Variants in SLC28A2 observed in about 807,000 individuals in gnomAD.
SLC28A2 encodes the protein sodium/nucleoside cotransporter 2.
Under a neutral mutation model 72.9 loss-of-function variants are expected in SLC28A2, and 69 were observed. The observed-to-expected ratio is 0.95, with a 90% CI of 0.78 to 1.16. SLC28A2 has a LOEUF of 1.16. SLC28A2 is among the 50% of genes most tolerant of loss of function. SLC28A2 has a pLI of 0.00. For missense variants in SLC28A2, 745 were observed against 791.1 expected (o/e 0.94, Z 0.70); for synonymous variants, 296 against 294.1 (o/e 1.01, Z -0.07).
intron 4 of SLC28A2, among the ~76,000 whole-genome samples, chr15:45,262,442 AC>A (rs2140566734): frequency 6.6e-6 from 1 of 152,234 alleles, no homozygotes; most frequent in Admixed American, 6.5e-5. Context: ...ATTATACCTT[AC>A]TTATTTGCTG....
Position 45,276,956 on chromosome 15 carries a change from C to A in SLC28A2, c.*1443C>A, listed in dbSNP as rs1258356908. The A allele has an allele frequency of 6.9e-6, 1 of 144,804 alleles. No homozygotes were observed. Among genetic ancestry groups the A allele is most frequent in the Admixed American group, 6.9e-5 (1 of 14,570 alleles). 9.0% of individuals were successfully genotyped at this position (144,804 alleles called of 1,614,324 possible). On this transcript the variant is annotated 3_prime_UTR_variant, in exon 18 of 18. Coordinates refer to ENST00000347644, the MANE Select transcript of SLC28A2 (RefSeq NM_004212.4). ...CATTTGCTCCAAGTTTATGGGGAAG[C>A]CTTTAAAACAGTAATTTTCAGTGGG...
chr15:45,266,207 A>G, intron 10 of SLC28A2, 46 bp downstream of exon 10: 2 of 1,331,638 alleles, frequency 1.5e-6, no homozygotes, highest in Non-Finnish European at 2.2e-6. Flanking sequence ...TGAGGAACTG[A>G]GAATTTGGCA....
At chr15:45,253,342 A>G (rs764117737) in intron 2 of SLC28A2, 46 bp downstream of exon 2, 115 of 1,554,654 alleles carry the variant, frequency 7.4e-5, no homozygotes, top group Non-Finnish European at 1.0e-4. Context: ...GGGCTGCTGC[A>G]TGGGCTCCTG....
rs1258418312 is a variant in SLC28A2 at position 45,262,037 on chromosome 15, A to G, written c.193A>G (p.Lys65Glu). Residue 65 changes from lysine to glutamate, a missense_variant, in exon 4 of 18, where the codon AAA (lysine) becomes GAA (glutamate). Physicochemically the swap from Lys to Glu is moderately conservative, Grantham distance 56. Coordinates refer to ENST00000347644, the MANE Select transcript of SLC28A2 (RefSeq NM_004212.4). The part of the protein sequence containing the change: ...YQRRSRWPFS[K>E]ARSFCKTHAS... ...TAGGAGGAGTCGGTGGCCTTTCAGCAAAGCAAGAAGTTTCTGCAAAACACA... is the reference window on the plus strand; with the variant it reads ...TAGGAGGAGTCGGTGGCCTTTCAGCGAAGCAAGAAGTTTCTGCAAAACACA... The G allele has an allele frequency of 6.2e-7, 1 of 1,613,458 alleles. No individual in the cohort carries two copies. Among genetic ancestry groups the G allele is most frequent in the Admixed American group, 1.7e-5 (1 of 59,990 alleles).
In SLC28A2 at chr15:45,264,074, G is replaced by C. The variant is rs564449155; in HGVS notation, c.588+52G>C. The C allele has an allele frequency of 1.0e-5, 16 of 1,540,336 alleles. No individual in the cohort carries two copies. The African/African-American group carries it at 2.1e-4, about 20-fold the overall frequency. ...ATAGCAACACATGGCCAAGGGCCAAGTGCTAATCATAAAGCGTATGCATCA... is the reference window on the plus strand; with the variant it reads ...ATAGCAACACATGGCCAAGGGCCAACTGCTAATCATAAAGCGTATGCATCA... On this transcript the variant is annotated intron_variant, in intron 6 of 17. Transcript: ENST00000347644.
At chr15:45,264,094 G>A (rs1900249118) in intron 6 of SLC28A2, 72 bp downstream of exon 6, 2 of 1,390,098 alleles carry the variant, frequency 1.4e-6, no homozygotes, top group Non-Finnish European at 1.9e-6. Flanking sequence ...TAAAGCGTAT[G>A]CATCAAGTGT....
At chr15:45,257,519 TAA>T (rs1362804435) in intron 3 of SLC28A2, among the ~76,000 whole-genome samples, 3 of 152,246 alleles carry the variant, frequency 2.0e-5, no homozygotes, top group African/African-American at 7.2e-5. Context: ...TACATGTTAA[TAA>T]GTTATGTATA....
intron 5 of SLC28A2, 151 bp from the exon 6 acceptor site, chr15:45,263,730 C>T (rs549833736): frequency 1.7e-6 from 1 of 593,008 alleles, no homozygotes; most frequent in Non-Finnish European, 2.8e-6. Context: ...ATATTCTGAA[C>T]TGGCGTCTAC....
At chr15:45,275,280 G>A (rs1900717342) in intron 17 of SLC28A2, 116 bp from the exon 18 acceptor site, 1 of 668,402 alleles carries the variant, frequency 1.5e-6, no homozygotes, top group African/African-American at 1.8e-5. Context: ...CATGGCTGAT[G>A]GGTCAATTTA....
chr15:45,253,543 T>G (rs373811187), intron 3 of SLC28A2, 23 bp downstream of exon 3: 1 of 1,560,602 alleles, frequency 6.4e-7, no homozygotes, highest in Non-Finnish European at 8.8e-7. Context: ...TGGAATCTTG[T>G]TCAGTTAGGA....
In SLC28A2 at chr15:45,263,123, G is replaced by A; in HGVS notation, c.325G>A (p.Val109Ile). 1 of 1,613,974 alleles carries A rather than the reference G, an allele frequency of 6.2e-7. No individual in the cohort carries two copies. The highest frequency in any genetic ancestry group is 1.1e-5 in the South Asian group (1 of 91,080). The part of the protein sequence containing the change: ...LNFQRALALF[V>I]ITCLVIFVLV... ...TTTCCAGAGGGCACTGGCCTTGTTT[G>A]TCATCACCTGCTTGGTGATCTTTGT... Residue 109 changes from valine (V) to isoleucine (I), a missense_variant, in exon 5 of 18, where the codon GTC becomes ATC. Coordinates refer to ENST00000347644, the MANE Select transcript of SLC28A2 (RefSeq NM_004212.4).
In SLC28A2 at chr15:45,253,505, C is replaced by A; in HGVS notation, c.155C>A (p.Pro52His). Residue 52 changes from proline (P) to histidine (H), a missense_variant, in exon 3 of 18, where the codon CCT (proline) becomes CAT (histidine). Physicochemically the swap from Pro to His is moderately conservative, Grantham distance 77 (BLOSUM62 -2). Coordinates refer to ENST00000347644, the MANE Select transcript of SLC28A2 (RefSeq NM_004212.4). Reference protein sequence around the residue: ...QGHSLGDGLGPSTYQRRSRWP... With the variant: ...QGHSLGDGLGHSTYQRRSRWP... ...CACAGCCTGGGGGATGGACTGGGCC[C>A]TTCCACTTACCAGAGGTACTGGTGT... 1 of 1,612,194 alleles carries A rather than the reference C, an allele frequency of 6.2e-7. No individual in the cohort carries two copies. The highest frequency in any genetic ancestry group is 1.7e-5 in the Admixed American group (1 of 60,000).
At chr15:45,259,488 A>G (rs1392107310) in intron 3 of SLC28A2, among the ~76,000 whole-genome samples, 1 of 152,152 alleles carries the variant, frequency 6.6e-6, no homozygotes, top group Non-Finnish European at 1.5e-5. Context: ...GTCAATTTTA[A>G]AAAGAAGTAC....
intron 8 of SLC28A2, 47 bp from the exon 9 acceptor site, chr15:45,265,536 G>A: frequency 7.7e-7 from 1 of 1,303,346 alleles, no homozygotes; most frequent in Non-Finnish European, 1.1e-6. Flanking sequence ...CTAAAACACA[G>A]AGTATGCAAT....
intron 17 of SLC28A2, 84 bp from the exon 18 acceptor site, chr15:45,275,312 A>G (rs1008307152): frequency 5.1e-5 from 40 of 783,648 alleles, no homozygotes; most frequent in Non-Finnish European, 7.7e-5. Flanking sequence ...TTTTGTTTTC[A>G]GCTGCTTAGT....
chr15:45,262,795 T>C (rs1037487448), intron 4 of SLC28A2, among the ~76,000 whole-genome samples: 2 of 152,120 alleles, frequency 1.3e-5, no homozygotes, highest in Admixed American at 1.3e-4. Context: ...TTAGATAAAA[T>C]AGAAGGGAAT....
intron 15 of SLC28A2, among the ~76,000 whole-genome samples, chr15:45,270,785 C>CATTATT (rs929931937): frequency 6.6e-6 from 1 of 151,438 alleles, no homozygotes; most frequent in Non-Finnish European, 1.5e-5. Flanking sequence ...CCACTATGCC[C>CATTATT]ATTATTATTA....
At chr15:45,275,155 A>C (rs150792004) in intron 17 of SLC28A2, among the ~76,000 whole-genome samples, 11 of 152,354 alleles carry the variant, frequency 7.2e-5, no homozygotes, top group African/African-American at 2.6e-4. Context: ...GGAAATTTCC[A>C]AATGGACTAT....
intron 3 of SLC28A2, among the ~76,000 whole-genome samples, chr15:45,254,571 A>G (rs1899914921): frequency 6.6e-6 from 1 of 152,222 alleles, no homozygotes; most frequent in Non-Finnish European, 1.5e-5. Context: ...AGGTTTGCAT[A>G]AGTACACTGT....
Sources: gnomAD v4.1 joint callset for allele counts (sites outside exome capture counted in the v4.1 genomes callset) on GRCh38, gnomAD v4.1.1 for gene constraint, MANE v1.5 for transcripts, NCBI Gene and HGNC (gene_info 2026-07-23, HGNC 2026-07-21) for gene names.